SEMA3A: variants seen among roughly 807,000 people sequenced by gnomAD.
The protein encoded by SEMA3A is semaphorin 3A.
Under a neutral mutation model 97.9 loss-of-function variants are expected in SEMA3A, and 29 were observed. That is an observed-to-expected ratio of 0.30 (90% CI 0.22 to 0.40). The LOEUF (loss-of-function observed/expected upper bound fraction) is 0.40. Ranked by LOEUF, SEMA3A falls within the 10% of genes least tolerant of loss-of-function variation. The pLI is 1.00. For missense variants in SEMA3A, 763 were observed against 951.3 expected, an observed-to-expected ratio of 0.80 and a Z score of 2.60; for synonymous variants, 321 against 323.7, an observed-to-expected ratio of 0.99 and a Z score of 0.09.
At chr7:84,424,850 T>A (rs1160240902) in intron 1 of SEMA3A, among the ~76,000 whole-genome samples, 11 of 79,376 alleles carry the variant, frequency 1.4e-4, no homozygotes, top group Non-Finnish European at 2.4e-4. Context: ...TATTTATATA[T>A]AAATAATTTA....
chr7:84,410,118 C>A (rs577787850), intron 1 of SEMA3A, among the ~76,000 whole-genome samples: 1 of 151,966 alleles, frequency 6.6e-6, no homozygotes, highest in Non-Finnish European at 1.5e-5. Context: ...TTGTTTTGTT[C>A]CTGTATAAGA....
intron 3 of SEMA3A, among the ~76,000 whole-genome samples, chr7:84,288,475 A>G (rs1414709967): frequency 6.6e-6 from 1 of 152,146 alleles, no homozygotes; most frequent in African/African-American, 2.4e-5. Flanking sequence ...AGGCGGATGG[A>G]TCACTTGAGG....
intron 1 of SEMA3A, among the ~76,000 whole-genome samples, chr7:84,172,497 C>T (rs918546575): frequency 6.6e-6 from 1 of 152,130 alleles, no homozygotes; most frequent in African/African-American, 2.4e-5. Flanking sequence ...TCTAGGTTCA[C>T]TTCAAGCTCC....
At chr7:84,030,654 AC>A (rs1268387569) in intron 6 of SEMA3A, among the ~76,000 whole-genome samples, 1 of 150,506 alleles carries the variant, frequency 6.6e-6, no homozygotes, top group African/African-American at 2.5e-5. Context: ...TCTCATATAC[AC>A]ATATATGTTT....
chr7:84,258,868 A>G (rs73709797), intron 3 of SEMA3A, among the ~76,000 whole-genome samples: 2,651 of 151,742 alleles, frequency 0.017, 79 homozygotes, highest in African/African-American at 0.061. Flanking sequence ...TTATTCCAAA[A>G]CCAACACTCT....
intron 1 of SEMA3A, among the ~76,000 whole-genome samples, chr7:84,373,434 T>C (rs1277924798): frequency 1.3e-5 from 2 of 152,130 alleles, no homozygotes; most frequent in Non-Finnish European, 2.9e-5. Context: ...AAAAAGCAAA[T>C]AGGGTCAGTA....
chr7:84,348,592 A>G (rs1393707522), intron 2 of SEMA3A, among the ~76,000 whole-genome samples: 1 of 152,220 alleles, frequency 6.6e-6, no homozygotes, highest in Non-Finnish European at 1.5e-5. Flanking sequence ...AATTTCAAGA[A>G]AAGAACTAAA....
intron 3 of SEMA3A, among the ~76,000 whole-genome samples, chr7:84,299,424 C>T (rs1190782367): frequency 6.7e-6 from 1 of 149,656 alleles, no homozygotes; most frequent in Non-Finnish European, 1.5e-5. Flanking sequence ...CTAGAGAGCC[C>T]TGATTAATCA....
chr7:84,261,252 C>A (rs1799850136), intron 3 of SEMA3A, among the ~76,000 whole-genome samples: 1 of 152,150 alleles, frequency 6.6e-6, no homozygotes, highest in South Asian at 2.1e-4. Flanking sequence ...CACTCAATAA[C>A]ACTCCTCTCT....
intron 6 of SEMA3A, among the ~76,000 whole-genome samples, chr7:84,038,803 A>T (rs1482111203): frequency 6.6e-6 from 1 of 152,132 alleles, no homozygotes; most frequent in Non-Finnish European, 1.5e-5. Context: ...ACTAGAGATA[A>T]ATTAACACGT....
chr7:84,400,579 A>G (rs555634385), intron 1 of SEMA3A, among the ~76,000 whole-genome samples: 5 of 152,330 alleles, frequency 3.3e-5, no homozygotes, highest in Non-Finnish European at 7.3e-5. Flanking sequence ...GATACTTGAA[A>G]GTTACATAGA....
chr7:84,331,418 T>C (rs1327359266), intron 2 of SEMA3A, among the ~76,000 whole-genome samples: 2 of 152,182 alleles, frequency 1.3e-5, no homozygotes, highest in Non-Finnish European at 2.9e-5. Flanking sequence ...ATTCAGGTGA[T>C]TCTAGTTACT....
rs554975090 is a variant in SEMA3A at position 84,382,221 on chromosome 7, C to T, written c.-245-10321G>A. Among the ~76,000 whole-genome samples, 4 of 152,080 alleles carry T rather than the reference C, an allele frequency of 2.6e-5. No homozygotes were observed. The South Asian group carries it at 8.3e-4, about 32-fold the overall frequency. On this transcript the variant is annotated intron_variant, in intron 1 of 3. Coordinates refer to the SEMA3A transcript ENST00000424555. ...CTCCTGGGTTCAAACAATTCTCCTG[C>T]CTCAGCCTCCCTAGTAGCTGGGATT...
chr7:83,973,038 T>A (rs1360235806), intron 15 of SEMA3A, among the ~76,000 whole-genome samples: 1 of 152,148 alleles, frequency 6.6e-6, no homozygotes, highest in East Asian at 1.9e-4. Flanking sequence ...ACAATTGTTC[T>A]TGATCTGAGT....
intron 2 of SEMA3A, among the ~76,000 whole-genome samples, chr7:84,308,083 C>G (rs186171044): frequency 1.3e-5 from 2 of 151,952 alleles, no homozygotes; most frequent in Admixed American, 1.3e-4. Flanking sequence ...ACATTTTAAT[C>G]TTATTAAAGT....
chr7:84,036,677 AGTTT>A (rs1791951948), intron 6 of SEMA3A, among the ~76,000 whole-genome samples: 1 of 152,132 alleles, frequency 6.6e-6, no homozygotes, highest in African/African-American at 2.4e-5. Flanking sequence ...TGAAATGAAT[AGTTT>A]AATCTCTGTA....
At position 84,005,354 on chromosome 7, in the gene SEMA3A, T is replaced by C. The variant is rs1236038055; in HGVS notation, c.1345A>G (p.Met449Val). The change falls in exon 11 of 17, where the codon ATG becomes GTG. Residue 449 changes from methionine to valine, a missense_variant. This residue lies in a region of SEMA3A where 678 missense variants were observed against 881.3 expected (regional missense o/e 0.77). Coordinates refer to ENST00000265362, the MANE Select transcript of SEMA3A (RefSeq NM_006080.3). The stretch of plus-strand genomic sequence containing the variant: ...AAAAATTTACCTGTTCCGATAAACA[T>C]AACATCATACTGTCCATCTTCTGCA... ...VDAEDGQYDVMFIGTDVGTVL... is the reference protein window; with the variant it reads ...VDAEDGQYDVVFIGTDVGTVL... 1.2e-6 allele frequency: 2 copies of C among 1,612,450 alleles called. No individual in the cohort carries two copies. Among genetic ancestry groups the C allele is most frequent in the East Asian group, 2.2e-5 (1 of 44,824 alleles).
intron 6 of SEMA3A, among the ~76,000 whole-genome samples, chr7:84,034,864 T>C (rs993106262): frequency 1.4e-4 from 21 of 152,148 alleles, no homozygotes; most frequent in African/African-American, 4.8e-4. Flanking sequence ...TAAAGGTTTT[T>C]CTAAACTAAT....
intron 3 of SEMA3A, among the ~76,000 whole-genome samples, chr7:84,289,352 C>T (rs1398703582): frequency 6.6e-6 from 1 of 151,966 alleles, no homozygotes; most frequent in Admixed American, 6.6e-5. Flanking sequence ...TTCAAAATAG[C>T]TAGGAAAGAG....
Sources: allele counts gnomAD v4.1 joint callset (sites outside exome capture counted in the v4.1 genomes callset), GRCh38; gene constraint gnomAD v4.1.1; regional missense constraint gnomAD v4.1.1; transcripts MANE v1.5; gene names NCBI Gene and HGNC (gene_info 2026-07-23, HGNC 2026-07-21).